The following ANP32B variants were observed in gnomAD, a reference collection of about 807,000 sequenced individuals.
ANP32B encodes the protein acidic leucine-rich nuclear phosphoprotein 32 family member B.
In ANP32B, 6 loss-of-function variants were observed where a neutral mutation model predicts 32.2. The observed-to-expected ratio is 0.19, with a 90% CI of 0.10 to 0.37. ANP32B has a LOEUF of 0.37. ANP32B is among the 10% of genes least tolerant of loss of function. The pLI, the probability that ANP32B is intolerant of heterozygous loss-of-function variation, is 1.00. For missense variants in ANP32B, 204 were observed against 289.2 expected (o/e 0.71, Z 2.14); for synonymous variants, 98 against 105.8 (o/e 0.93, Z 0.45).
intron 1 of ANP32B, among the ~76,000 whole-genome samples, chr9:97,988,542 T>C (rs941776297): frequency 3.5e-4 from 53 of 152,014 alleles, no homozygotes; most frequent in Non-Finnish European, 1.0e-4. Flanking sequence ...CCGGGCAACA[T>C]GGCGAAACCC....
rs1287727817 is a variant in ANP32B, at chr9:98,003,616, A to G, written c.328-1348A>G. On this transcript the variant is annotated intron_variant, in intron 3 of 6. Coordinates refer to ENST00000339399, the MANE Select transcript of ANP32B (RefSeq NM_006401.3). ...CCATTTTATATCTCCTCAGAACTAC[A>G]TAGATACCTTGAGTTCTGAAAATAA... Among the ~76,000 whole-genome samples the G allele has an allele frequency of 2.6e-5, 4 of 152,336 alleles. No homozygotes were observed. The South Asian group carries it at 6.2e-4, about 24-fold the overall frequency.
chr9:98,008,926 T>C (rs1280110129), intron 4 of ANP32B, among the ~76,000 whole-genome samples: 1 of 152,170 alleles, frequency 6.6e-6, no homozygotes, highest in Non-Finnish European at 1.5e-5. Context: ...TCCACAAAAC[T>C]GGTCCCTGGT....
chr9:97,999,140 C>A (rs1231386553), intron 3 of ANP32B, among the ~76,000 whole-genome samples: 4 of 152,018 alleles, frequency 2.6e-5, no homozygotes, highest in Non-Finnish European at 5.9e-5. Context: ...TATGTAAGTC[C>A]CAATTTTAAA....
chr9:98,010,620 A>C (rs952851737), intron 4 of ANP32B, among the ~76,000 whole-genome samples: 1 of 152,038 alleles, frequency 6.6e-6, no homozygotes, highest in African/African-American at 2.4e-5. Flanking sequence ...GAGGATGGAA[A>C]GAGCATGCAG....
At chr9:97,994,313 G>T (rs1315568335) in intron 1 of ANP32B, among the ~76,000 whole-genome samples, 5 of 152,164 alleles carry the variant, frequency 3.3e-5, no homozygotes, top group Admixed American at 2.0e-4. Flanking sequence ...GCCCTTTGGG[G>T]AACAGGCTGG....
chr9:98,004,715 A>G (rs1348809495), intron 3 of ANP32B, among the ~76,000 whole-genome samples: 1 of 152,184 alleles, frequency 6.6e-6, no homozygotes, highest in African/African-American at 2.4e-5. Flanking sequence ...TTCAATTTAT[A>G]TTTCTTTAGA....
At chr9:98,009,590 A>T (rs1049076553) in intron 4 of ANP32B, among the ~76,000 whole-genome samples, 1 of 152,250 alleles carries the variant, frequency 6.6e-6, no homozygotes, top group East Asian at 1.9e-4. Context: ...TTGCACTCCT[A>T]TGAGGATCTA....
chr9:98,011,213 CT>C, intron 4 of ANP32B, 57 bp from the exon 5 acceptor site: 1 of 1,527,058 alleles, frequency 6.5e-7, no homozygotes, highest in Non-Finnish European at 8.8e-7. Flanking sequence ...ATCCTCAACA[CT>C]TTGTCCCCTG....
chr9:98,006,195 T>G (rs919400487), intron 4 of ANP32B, among the ~76,000 whole-genome samples: 3 of 152,142 alleles, frequency 2.0e-5, no homozygotes, highest in African/African-American at 7.2e-5. Flanking sequence ...TTTACAGAGA[T>G]GATAATAAAT....
At chr9:97,990,241 G>A (rs1370646548) in intron 1 of ANP32B, among the ~76,000 whole-genome samples, 1 of 152,310 alleles carries the variant, frequency 6.6e-6, no homozygotes, top group East Asian at 1.9e-4. Context: ...ACCTGTGTAT[G>A]TGTGTTGCAC....
intron 1 of ANP32B, among the ~76,000 whole-genome samples, chr9:97,992,586 G>A (rs931806812): frequency 6.6e-6 from 1 of 152,070 alleles, no homozygotes; most frequent in Non-Finnish European, 1.5e-5. Flanking sequence ...TTTGTATAAC[G>A]TTTTTGGATT....
intron 1 of ANP32B, among the ~76,000 whole-genome samples, chr9:97,984,247 C>T (rs1587868349): frequency 6.6e-6 from 1 of 150,670 alleles, no homozygotes; most frequent in Admixed American, 6.6e-5. Context: ...GGGGGAGGGG[C>T]GGGCCAGGGC....
At chr9:97,997,199 TGACTC>T (rs1244573907) in intron 2 of ANP32B, among the ~76,000 whole-genome samples, 8 of 152,220 alleles carry the variant, frequency 5.3e-5, no homozygotes, top group African/African-American at 1.4e-4. Flanking sequence ...AGCTAACACT[TGACTC>T]TATTGATTAT....
intron 3 of ANP32B, among the ~76,000 whole-genome samples, chr9:98,003,677 G>A (rs890468833): frequency 1.3e-5 from 2 of 152,208 alleles, no homozygotes; most frequent in Admixed American, 1.3e-4. Flanking sequence ...TCAGGTCCTT[G>A]TGAGTGTTGT....
intron 5 of ANP32B, among the ~76,000 whole-genome samples, chr9:98,011,947 C>G (rs979515657): frequency 1.3e-5 from 2 of 152,110 alleles, no homozygotes; most frequent in African/African-American, 2.4e-5. Context: ...CTTTGACCCT[C>G]AAAGAGGTTT....
intron 1 of ANP32B, among the ~76,000 whole-genome samples, chr9:97,989,835 A>G (rs1173198942): frequency 1.3e-5 from 2 of 152,324 alleles, no homozygotes; most frequent in South Asian, 2.1e-4. Context: ...CAGAGTTGAT[A>G]TAAAGATTGT....
chr9:98,009,044 G>C (rs1283762398), intron 4 of ANP32B, among the ~76,000 whole-genome samples: 1 of 152,126 alleles, frequency 6.6e-6, no homozygotes, highest in Non-Finnish European at 1.5e-5. Flanking sequence ...CTTGGTACCT[G>C]TTTGTTATTG....
intron 3 of ANP32B, among the ~76,000 whole-genome samples, chr9:98,001,148 A>G (rs1341762784): frequency 6.6e-6 from 1 of 151,468 alleles, no homozygotes. Context: ...TTGTGAGCAT[A>G]AGAAACCCTT....
chr9:97,983,680 CG>C (rs1406230520), intron 1 of ANP32B, 71 bp downstream of exon 1: 2 of 1,274,216 alleles, frequency 1.6e-6, no homozygotes, highest in Non-Finnish European at 1.1e-6. Context: ...CTGCGGGGCC[CG>C]GGCTGAGGGT....
Sources: allele counts gnomAD v4.1 joint callset (sites outside exome capture counted in the v4.1 genomes callset), GRCh38; gene constraint gnomAD v4.1.1; transcripts MANE v1.5; gene names NCBI Gene and HGNC (gene_info 2026-07-23, HGNC 2026-07-21).